The following MECOM variants were observed in gnomAD, a reference collection of about 807,000 sequenced individuals.
The protein encoded by MECOM is histone-lysine N-methyltransferase MECOM.
Under a neutral mutation model 116.3 loss-of-function variants are expected in MECOM, and 13 were observed. That is an observed-to-expected ratio of 0.11 (90% CI 0.07 to 0.18). The LOEUF (loss-of-function observed/expected upper bound fraction) is 0.18. Ranked by LOEUF, MECOM falls within the 10% of genes least tolerant of loss-of-function variation. The pLI is 1.00. For missense variants in MECOM, 1,299 were observed against 1,509.0 expected (o/e 0.86, Z 2.31); for synonymous variants, 528 against 535.2 (o/e 0.99, Z 0.19).
At chr3:169,459,823 C>T (rs1430622563) in intron 1 of MECOM, among the ~76,000 whole-genome samples, 1 of 152,128 alleles carries the variant, frequency 6.6e-6, no homozygotes, top group Non-Finnish European at 1.5e-5. Flanking sequence ...CTTATAGTTT[C>T]TGAATTAGGC....
chr3:169,255,536 A>G (rs986585649), intron 2 of MECOM, among the ~76,000 whole-genome samples: 3 of 152,106 alleles, frequency 2.0e-5, no homozygotes, highest in African/African-American at 7.2e-5. Flanking sequence ...TCCAAAGTAA[A>G]TAAGTTAAAG....
chr3:169,126,522 C>T (rs1732907002), intron 5 of MECOM, among the ~76,000 whole-genome samples: 1 of 151,874 alleles, frequency 6.6e-6, no homozygotes, highest in Admixed American at 6.6e-5. Flanking sequence ...CTTTACTAAA[C>T]ATACATAATT....
At chr3:169,085,294 G>A (rs562179995) in intron 16 of MECOM, among the ~76,000 whole-genome samples, 1 of 152,270 alleles carries the variant, frequency 6.6e-6, no homozygotes, top group South Asian at 2.1e-4. Flanking sequence ...AATGCAAATA[G>A]TGCTTCCATT....
chr3:169,632,190 AAT>A (rs151117390), intron 1 of MECOM, among the ~76,000 whole-genome samples: 91 of 139,600 alleles, frequency 6.5e-4, no homozygotes, highest in Non-Finnish European at 7.5e-4. Flanking sequence ...TCTGGAGAGA[AAT>A]ATATATATAT....
chr3:169,134,121 A>G (rs1291142387), intron 3 of MECOM, among the ~76,000 whole-genome samples: 1 of 152,204 alleles, frequency 6.6e-6, no homozygotes, highest in Admixed American at 6.5e-5. Context: ...TTAAGAGAGT[A>G]TTATGATATC....
At chr3:169,497,858 C>T (rs545191820) in intron 1 of MECOM, among the ~76,000 whole-genome samples, 13 of 152,230 alleles carry the variant, frequency 8.5e-5, no homozygotes, top group Middle Eastern at 3.4e-3. Context: ...AGCTATTTAT[C>T]GAATAAAGTA....
chr3:169,586,437 G>T (rs1169954256), intron 1 of MECOM, among the ~76,000 whole-genome samples: 11 of 152,030 alleles, frequency 7.2e-5, no homozygotes. Flanking sequence ...ATACTATTTT[G>T]CATGGCTATT....
chr3:169,216,757 T>C (rs564384528), intron 2 of MECOM, among the ~76,000 whole-genome samples: 1 of 152,100 alleles, frequency 6.6e-6, no homozygotes, highest in South Asian at 2.1e-4. Flanking sequence ...ATTATGAAAA[T>C]GCAATCTTAA....
At chr3:169,165,554 C>T (rs1326868820) in intron 2 of MECOM, among the ~76,000 whole-genome samples, 8 of 152,076 alleles carry the variant, frequency 5.3e-5, no homozygotes, top group East Asian at 1.9e-4. Flanking sequence ...AGTGAGCTGT[C>T]CCCCTGGCTT....
chr3:169,389,425 A>C (rs1345434078), intron 1 of MECOM: 1 of 321,670 alleles, frequency 3.1e-6, no homozygotes, highest in African/African-American at 2.2e-5. Flanking sequence ...ACCGTCACCA[A>C]TATCCACTGG....
intron 13 of MECOM, among the ~76,000 whole-genome samples, chr3:169,093,495 C>A (rs145239783): frequency 6.6e-6 from 1 of 152,134 alleles, no homozygotes; most frequent in African/African-American, 2.4e-5. Context: ...AGTCAACATG[C>A]CTTTTTATTT....
intron 2 of MECOM, among the ~76,000 whole-genome samples, chr3:169,347,457 A>G (rs1244712385): frequency 6.6e-6 from 1 of 152,040 alleles, no homozygotes; most frequent in Non-Finnish European, 1.5e-5. Flanking sequence ...ATGATATGCA[A>G]GATATTGTTG....
intron 1 of MECOM, among the ~76,000 whole-genome samples, chr3:169,498,205 AAAG>A (rs1197168177): frequency 6.6e-6 from 1 of 152,218 alleles, no homozygotes; most frequent in East Asian, 1.9e-4. Flanking sequence ...TTAAATTAAT[AAAG>A]AAGATTTAGT....
intron 16 of MECOM, 86 bp from the exon 17 acceptor site, chr3:169,085,129 G>T: frequency 6.5e-7 from 1 of 1,542,190 alleles, no homozygotes; most frequent in Non-Finnish European, 8.9e-7. Context: ...AAATGGAAAG[G>T]GATGGGACCC....
intron 2 of MECOM, among the ~76,000 whole-genome samples, chr3:169,220,738 A>C (rs1449345752): frequency 6.6e-6 from 1 of 152,036 alleles, no homozygotes; most frequent in Non-Finnish European, 1.5e-5. Flanking sequence ...GTCTTCCAAA[A>C]TGCTGGGATT....
chr3:169,297,882 T>C (rs1715936691), intron 2 of MECOM, among the ~76,000 whole-genome samples: 1 of 152,162 alleles, frequency 6.6e-6, no homozygotes, highest in Non-Finnish European at 1.5e-5. Context: ...TTACATAAGG[T>C]CCTTGTGATT....
Position 169,121,221 on chromosome 3 carries a change from T to G in MECOM, c.979-12A>C, listed in dbSNP as rs756016092. 6.2e-7 allele frequency: 1 copy of G among 1,602,634 alleles called. No homozygotes were observed. The highest frequency in any genetic ancestry group is 1.1e-5 in the South Asian group (1 of 88,902). Reference sequence around the variant, plus strand: ...GGGTCCGTGAAAACCTGCTAGGAAATGAGTACTGATTAATCAAGAAACTTA... The same window carrying G: ...GGGTCCGTGAAAACCTGCTAGGAAAGGAGTACTGATTAATCAAGAAACTTA... On this transcript the variant is annotated splice_polypyrimidine_tract_variant and intron_variant, in intron 6 of 16. Transcript: ENST00000651503.
chr3:169,410,449 G>C (rs577943324), intron 1 of MECOM, among the ~76,000 whole-genome samples: 2 of 152,238 alleles, frequency 1.3e-5, no homozygotes, highest in East Asian at 1.9e-4. Flanking sequence ...TTCACTTATT[G>C]TGTCCTTTGT....
intron 2 of MECOM, 85 bp from the exon 3 acceptor site, chr3:169,143,917 AT>A: frequency 7.1e-7 from 1 of 1,415,036 alleles, no homozygotes; most frequent in Non-Finnish European, 9.3e-7. Flanking sequence ...TTTCATTGAA[AT>A]GTATATTCCT....
Sources: gnomAD v4.1 joint callset for allele counts (sites outside exome capture counted in the v4.1 genomes callset) on GRCh38, gnomAD v4.1.1 for gene constraint, MANE v1.5 for transcripts, NCBI Gene and HGNC (gene_info 2026-07-23, HGNC 2026-07-21) for gene names.